The following OPRM1 variants were observed in gnomAD, a reference collection of about 807,000 sequenced individuals.
The protein encoded by OPRM1 is mu-type opioid receptor.
In OPRM1, 27 loss-of-function variants were observed where a neutral mutation model predicts 31.8. The observed-to-expected ratio is 0.85, with a 90% CI of 0.63 to 1.17. The LOEUF (loss-of-function observed/expected upper bound fraction) is 1.17. OPRM1 is among the 50% of genes most tolerant of loss of function. OPRM1 has a pLI of 0.00. For missense variants in OPRM1, 536 were observed against 511.1 expected (o/e 1.05, Z -0.47); for synonymous variants, 196 against 189.9 (o/e 1.03, Z -0.26).
chr6:154,110,429 C>T (rs1358950530), intron 3 of OPRM1: 10 of 1,480,534 alleles, frequency 6.8e-6, no homozygotes, highest in African/African-American at 4.2e-5. Flanking sequence ...AATATTTTCC[C>T]GTGAAAGAAT....
chr6:154,090,987 A>G lies in OPRM1; in HGVS notation c.679A>G (p.Thr227Ala), dbSNP rs201874618. Reference protein sequence around the residue: ...IDCTLTFSHPTWYWENLLKIC... With the variant: ...IDCTLTFSHPAWYWENLLKIC... The stretch of plus-strand genomic sequence containing the variant: ...TTGTACACTAACATTCTCTCATCCA[A>G]CCTGGTACTGGGAAAACCTGCTGAA... Residue 227 changes from threonine to alanine, a missense_variant, in exon 3 of 4, where the codon ACC becomes GCC. By Grantham distance (58) the Thr-to-Ala change is moderately conservative. Coordinates refer to ENST00000330432, the MANE Select transcript of OPRM1 (RefSeq NM_000914.5). 25 of 1,614,016 alleles carry G rather than the reference A, an allele frequency of 1.5e-5. No individual in the cohort carries two copies. The South Asian group carries it at 2.7e-4, about 18-fold the overall frequency.
At chr6:154,214,721 G>C (rs1778245016) in intron 3 of OPRM1, among the ~76,000 whole-genome samples, 1 of 151,980 alleles carries the variant, frequency 6.6e-6, no homozygotes, top group South Asian at 2.1e-4. Flanking sequence ...TTTAATCCAG[G>C]AATATTTTTA....
chr6:154,029,326 T>A (rs73788962), intron 1 of OPRM1, among the ~76,000 whole-genome samples: 4,391 of 152,312 alleles, frequency 0.029, 203 homozygotes, highest in African/African-American at 0.1. Flanking sequence ...GCAATCTTTT[T>A]AAATGGTCAT....
upstream of OPRM1, among the ~76,000 whole-genome samples, chr6:154,036,422 A>G (rs1357436120): frequency 6.6e-6 from 1 of 152,006 alleles, no homozygotes; most frequent in Non-Finnish European, 1.5e-5. Context: ...AATAGAAAAC[A>G]AAAAAATCAA....
intron 3 of OPRM1, among the ~76,000 whole-genome samples, chr6:154,236,257 C>A (rs1371096905): frequency 6.6e-6 from 1 of 152,154 alleles, no homozygotes; most frequent in Admixed American, 6.5e-5. Context: ...ATGGATGAAC[C>A]TTGAAGACAT....
At chr6:154,102,746 C>A (rs1000768333) in intron 3 of OPRM1, among the ~76,000 whole-genome samples, 1 of 152,084 alleles carries the variant, frequency 6.6e-6, no homozygotes, top group Non-Finnish European at 1.5e-5. Flanking sequence ...ATTGATCTAA[C>A]CTGTTTAATT....
intron 3 of OPRM1, among the ~76,000 whole-genome samples, chr6:154,160,681 A>C (rs953805551): frequency 2.6e-5 from 4 of 152,148 alleles, no homozygotes; most frequent in Non-Finnish European, 1.5e-5. Context: ...TGAAATGTCT[A>C]GCTCAGGTTA....
At chr6:154,244,560 A>G (rs955683036) in intron 3 of OPRM1, among the ~76,000 whole-genome samples, 8 of 152,176 alleles carry the variant, frequency 5.3e-5, no homozygotes, top group African/African-American at 1.9e-4. Context: ...GAGTGTATCT[A>G]AGGCTCTATC....
chr6:154,223,201 C>T (rs759945197), intron 3 of OPRM1: 36 of 1,613,652 alleles, frequency 2.2e-5, no homozygotes, highest in Non-Finnish European at 2.5e-5. Flanking sequence ...GCTCTTTCCA[C>T]AGTGAAATCA....
chr6:154,095,343 G>A (rs772166395), intron 3 of OPRM1, among the ~76,000 whole-genome samples: 39 of 152,146 alleles, frequency 2.6e-4, no homozygotes, highest in Non-Finnish European at 5.3e-4. Context: ...CAAAGCATTG[G>A]ACAGATTCAT....
At chr6:154,094,097 A>G (rs1792917802) in intron 3 of OPRM1, 1 of 537,964 alleles carries the variant, frequency 1.9e-6, no homozygotes, top group African/African-American at 2.0e-5. Flanking sequence ...TTTGAAGTTT[A>G]TATTGGTTGT....
chr6:154,141,867 T>C (rs1489714301), intron 3 of OPRM1, among the ~76,000 whole-genome samples: 1 of 152,206 alleles, frequency 6.6e-6, no homozygotes, highest in Non-Finnish European at 1.5e-5. Flanking sequence ...GGCTTGAATT[T>C]TCCTTTTACC....
chr6:154,243,749 G>T (rs1257400082), intron 3 of OPRM1, among the ~76,000 whole-genome samples: 1 of 152,188 alleles, frequency 6.6e-6, no homozygotes, highest in Non-Finnish European at 1.5e-5. Context: ...ATGGGTTTAG[G>T]AGTCCAAGGG....
At chr6:154,104,713 T>C (rs1321437101) in intron 3 of OPRM1, among the ~76,000 whole-genome samples, 2 of 152,248 alleles carry the variant, frequency 1.3e-5, no homozygotes, top group Non-Finnish European at 2.9e-5. Flanking sequence ...TTATTATACA[T>C]GACCTGATTA....
At chr6:154,087,091 TA>T in intron 1 of OPRM1, 2 of 985,200 alleles carry the variant, frequency 2.0e-6, no homozygotes, top group Non-Finnish European at 2.4e-6. Flanking sequence ...TCTTTTTCTT[TA>T]AAATCCATTA....
chr6:154,032,152 C>G (rs905107989), intron 1 of OPRM1, among the ~76,000 whole-genome samples: 1 of 152,214 alleles, frequency 6.6e-6, no homozygotes, highest in Non-Finnish European at 1.5e-5. Flanking sequence ...GTAGAGTCAA[C>G]AATCGTGGTA....
chr6:154,153,446 G>A (rs1478450057), intron 3 of OPRM1, among the ~76,000 whole-genome samples: 5 of 152,198 alleles, frequency 3.3e-5, no homozygotes, highest in Admixed American at 3.3e-4. Context: ...CACTTTGGGA[G>A]GCCGAGGCGG....
intron 3 of OPRM1, 32 bp from the exon 4 acceptor site, chr6:154,118,651 G>A: frequency 1.2e-6 from 2 of 1,609,596 alleles, no homozygotes; most frequent in Non-Finnish European, 1.7e-6. Flanking sequence ...TATCTGAAAT[G>A]TTCACTGTCT....
chr6:154,109,001 G>A (rs1034679466), intron 3 of OPRM1: 8 of 984,930 alleles, frequency 8.1e-6, no homozygotes, highest in East Asian at 2.3e-4. Flanking sequence ...GCAATATGAT[G>A]ATAAAAGCCA....
Sources: allele counts gnomAD v4.1 joint callset (sites outside exome capture counted in the v4.1 genomes callset), GRCh38; gene constraint gnomAD v4.1.1; transcripts MANE v1.5; gene names NCBI Gene and HGNC (gene_info 2026-07-23, HGNC 2026-07-21).